Variants in EPHA7 observed in about 807,000 individuals in gnomAD.
EPHA7 encodes ephrin type-A receptor 7.
In EPHA7, 25 loss-of-function variants were observed where a neutral mutation model predicts 112.6. The ratio of observed to expected loss-of-function variants is 0.22; its 90% CI spans 0.16 to 0.31. The LOEUF (loss-of-function observed/expected upper bound fraction) is 0.31. Ranked by LOEUF, EPHA7 falls within the 10% of genes least tolerant of loss-of-function variation. The pLI is 1.00. For missense variants in EPHA7, 962 were observed against 1,212.6 expected (o/e 0.79, Z 3.07); for synonymous variants, 437 against 406.5 (o/e 1.07, Z -0.90).
chr6:93,298,510 T>C (rs1374129025), intron 5 of EPHA7, among the ~76,000 whole-genome samples: 2 of 152,216 alleles, frequency 1.3e-5, no homozygotes, highest in Non-Finnish European at 2.9e-5. Context: ...TGAACTGATA[T>C]ATGCAAAAGA....
At chr6:93,338,841 T>C (rs1775001528) in intron 5 of EPHA7, among the ~76,000 whole-genome samples, 2 of 151,196 alleles carry the variant, frequency 1.3e-5, no homozygotes, top group Non-Finnish European at 3.0e-5. Context: ...TGTAGTCTGA[T>C]AGAGAAGAAA....
chr6:93,334,201 A>G (rs1041546129), intron 5 of EPHA7, among the ~76,000 whole-genome samples: 1 of 152,002 alleles, frequency 6.6e-6, no homozygotes, highest in Non-Finnish European at 1.5e-5. Context: ...ACTGATTAGC[A>G]GAGGACTGAA....
At chr6:93,294,272 T>C (rs1772538582) in intron 5 of EPHA7, among the ~76,000 whole-genome samples, 1 of 152,182 alleles carries the variant, frequency 6.6e-6, no homozygotes, top group Non-Finnish European at 1.5e-5. Flanking sequence ...CTGAATAGAA[T>C]ATACTAAAAT....
rs1327200322 is a variant in EPHA7 at position 93,240,438 on chromosome 6, T to C, written c.*2988A>G. On this transcript the variant is annotated 3_prime_UTR_variant, in exon 17 of 17. Coordinates refer to ENST00000369303, the MANE Select transcript of EPHA7 (RefSeq NM_004440.4). ...GCAATTAAAATATAGTCCTAAACAG[T>C]ACTAGCTAATGTAGATTACATAAGT... is the stretch of plus-strand genomic sequence containing the variant. The C allele has an allele frequency of 4.6e-6, 1 of 218,478 alleles. No homozygotes were observed. Among genetic ancestry groups the C allele is most frequent in the African/African-American group, 2.2e-5 (1 of 44,578 alleles). 13.5% of individuals were successfully genotyped at this position (218,478 alleles called of 1,614,324 possible). A position where few individuals can be genotyped will look rare whatever the true frequency, so the allele number is the denominator to read the frequency against.
Position 93,363,160 on chromosome 6 carries a change from A to T in EPHA7, c.833-4749T>A, listed in dbSNP as rs982320846. 5.3e-5 allele frequency among the ~76,000 whole-genome samples: 8 copies of T among 152,208 alleles called. 1 individual carries two copies. Among genetic ancestry groups the T allele is most frequent in the Non-Finnish European group, 1.0e-4 (7 of 67,996 alleles). ...TGTCTTGACTCTATCCAAATAATTA[A>T]ATCATTATTAGGGCCTAGACATTTC... is the stretch of plus-strand genomic sequence containing the variant. On this transcript the variant is annotated intron_variant, in intron 3 of 16. Transcript: ENST00000369303.
chr6:93,303,825 G>A (rs78221004), intron 5 of EPHA7, among the ~76,000 whole-genome samples: 7,089 of 152,056 alleles, frequency 0.047, 198 homozygotes, highest in African/African-American at 0.069. Context: ...AATGTCCAAG[G>A]AACTCCACCT....
At chr6:93,269,415 A>C in intron 7 of EPHA7, 62 bp downstream of exon 7, 1 of 1,436,866 alleles carries the variant, frequency 7.0e-7, no homozygotes, top group Non-Finnish European at 9.4e-7. Context: ...TCAATATTGA[A>C]AAAAATATTA....
intron 5 of EPHA7, among the ~76,000 whole-genome samples, chr6:93,296,425 T>A (rs954220270): frequency 2.8e-5 from 4 of 143,740 alleles, no homozygotes; most frequent in African/African-American, 1.0e-4. Context: ...TCATAGCATA[T>A]ATATATAAAA....
At chr6:93,356,511 C>T (rs1775954986) in intron 5 of EPHA7, among the ~76,000 whole-genome samples, 1 of 152,052 alleles carries the variant, frequency 6.6e-6, no homozygotes, top group Non-Finnish European at 1.5e-5. Flanking sequence ...CCAATTTTAT[C>T]TCCTTTTATT....
intron 3 of EPHA7, among the ~76,000 whole-genome samples, chr6:93,403,799 A>T (rs1778552273): frequency 6.6e-6 from 1 of 152,148 alleles, no homozygotes; most frequent in African/African-American, 2.4e-5. Flanking sequence ...AGGAAAAAAC[A>T]AGATAGATTA....
intron 5 of EPHA7, among the ~76,000 whole-genome samples, chr6:93,349,788 A>G (rs755061482): frequency 6.6e-6 from 1 of 151,982 alleles, no homozygotes; most frequent in Non-Finnish European, 1.5e-5. Context: ...ACTTATTAAA[A>G]GACATATAAC....
chr6:93,392,901 T>C (rs998746203), intron 3 of EPHA7, among the ~76,000 whole-genome samples: 2 of 151,894 alleles, frequency 1.3e-5, no homozygotes, highest in Admixed American at 6.6e-5. Context: ...TTTTTCAATA[T>C]TTCTTTGAAA....
At chr6:93,252,511 T>C (rs1215501993) in intron 14 of EPHA7, among the ~76,000 whole-genome samples, 1 of 151,828 alleles carries the variant, frequency 6.6e-6, no homozygotes, top group East Asian at 1.9e-4. Flanking sequence ...TAGATCTAAG[T>C]CTCTCCATGA....
At chr6:93,380,672 T>A (rs1777293470) in intron 3 of EPHA7, among the ~76,000 whole-genome samples, 1 of 152,094 alleles carries the variant, frequency 6.6e-6, no homozygotes, top group Non-Finnish European at 1.5e-5. Context: ...ATTCTCCTTA[T>A]CCTTACAAAA....
At chr6:93,408,921 T>C (rs1778841864) in intron 3 of EPHA7, among the ~76,000 whole-genome samples, 1 of 152,066 alleles carries the variant, frequency 6.6e-6, no homozygotes, top group South Asian at 2.1e-4. Context: ...TAAAATATGA[T>C]TATTTCCACA....
intron 4 of EPHA7, among the ~76,000 whole-genome samples, chr6:93,357,666 T>TC (rs1431111610): frequency 1.3e-5 from 2 of 152,056 alleles, no homozygotes; most frequent in East Asian, 3.9e-4. Flanking sequence ...TTTTTTTTTT[T>TC]TTTTGAGACG....
chr6:93,326,999 A>G (rs976822995), intron 5 of EPHA7, among the ~76,000 whole-genome samples: 2 of 151,558 alleles, frequency 1.3e-5, no homozygotes, highest in Non-Finnish European at 3.0e-5. Flanking sequence ...ACTTTAAAAT[A>G]CATTTGTATG....
intron 5 of EPHA7, among the ~76,000 whole-genome samples, chr6:93,324,020 T>C (rs1349682255): frequency 6.6e-6 from 1 of 151,486 alleles, no homozygotes; most frequent in Non-Finnish European, 1.5e-5. Context: ...CCAGAAGTTA[T>C]CTTAAACCAT....
At chr6:93,301,012 T>C (rs1270166431) in intron 5 of EPHA7, among the ~76,000 whole-genome samples, 2 of 152,150 alleles carry the variant, frequency 1.3e-5, no homozygotes, top group Non-Finnish European at 2.9e-5. Context: ...TCTAAACATA[T>C]GTAAACACAG....
Sources: gnomAD v4.1 joint callset for allele counts (sites outside exome capture counted in the v4.1 genomes callset) on GRCh38, gnomAD v4.1.1 for gene constraint, MANE v1.5 for transcripts, NCBI Gene and HGNC (gene_info 2026-07-23, HGNC 2026-07-21) for gene names.